Variants in ZBTB20 observed in about 807,000 individuals in gnomAD.
ZBTB20 encodes zinc finger and BTB domain containing 20, also known as zinc finger and BTB domain-containing protein 20.
In ZBTB20, 9 loss-of-function variants were observed where a neutral mutation model predicts 56.9. The observed-to-expected ratio is 0.16, with a 90% CI of 0.10 to 0.28. The LOEUF (loss-of-function observed/expected upper bound fraction) is 0.28, where lower values mean the gene tolerates loss of function less well. Ranked by LOEUF, ZBTB20 falls within the 10% of genes least tolerant of loss-of-function variation. ZBTB20 has a pLI of 1.00. For missense variants in ZBTB20, 655 were observed against 1,003.0 expected (o/e 0.65, Z 4.69); for synonymous variants, 417 against 420.7 (o/e 0.99, Z 0.11).
chr3:114,653,166 A>G (rs1408688925), intron 6 of ZBTB20, among the ~76,000 whole-genome samples: 1 of 151,966 alleles, frequency 6.6e-6, no homozygotes, highest in African/African-American at 2.4e-5. Flanking sequence ...GATCTTTAGA[A>G]CAACGCTGAA....
At chr3:114,711,476 C>T (rs1281258773) in intron 5 of ZBTB20, among the ~76,000 whole-genome samples, 1 of 152,206 alleles carries the variant, frequency 6.6e-6, no homozygotes, top group Non-Finnish European at 1.5e-5. Context: ...TCTATTCTTT[C>T]CATCTGACTG....
chr3:114,371,386 G>T (rs1319544388), intron 10 of ZBTB20, among the ~76,000 whole-genome samples: 2 of 152,124 alleles, frequency 1.3e-5, no homozygotes, highest in African/African-American at 4.8e-5. Context: ...GTAGTGACAG[G>T]CACAAAAGAT....
At chr3:115,029,329 A>C (rs1490506804) in intron 2 of ZBTB20, among the ~76,000 whole-genome samples, 2 of 20,610 alleles carry the variant, frequency 9.7e-5, no homozygotes, top group Admixed American at 1.7e-3. Context: ...CAGAAGTCCA[A>C]TAAAATTGAA....
intron 1 of ZBTB20, among the ~76,000 whole-genome samples, chr3:115,093,063 G>T (rs2083256917): frequency 6.6e-6 from 1 of 151,984 alleles, no homozygotes; most frequent in African/African-American, 2.4e-5. Flanking sequence ...TTACAGGAAG[G>T]AAACTGAGGG....
At chr3:115,141,571 T>C (rs1161634422) in intron 1 of ZBTB20, among the ~76,000 whole-genome samples, 2 of 152,218 alleles carry the variant, frequency 1.3e-5, no homozygotes, top group African/African-American at 2.4e-5. Context: ...GGACCTTGAA[T>C]AGTTTGTTCA....
At chr3:114,648,621 T>C (rs138961081) in intron 6 of ZBTB20, among the ~76,000 whole-genome samples, 3 of 152,156 alleles carry the variant, frequency 2.0e-5, no homozygotes, top group Non-Finnish European at 1.5e-5. Flanking sequence ...TGATAAATTG[T>C]ACATAAAAAT....
intron 7 of ZBTB20, among the ~76,000 whole-genome samples, chr3:114,465,298 T>C (rs1576909485): frequency 6.6e-6 from 1 of 152,278 alleles, no homozygotes; most frequent in East Asian, 1.9e-4. Flanking sequence ...TAATTTGAAA[T>C]CATTAGCTTG....
chr3:114,800,549 A>C (rs943452661), intron 5 of ZBTB20, among the ~76,000 whole-genome samples: 3 of 151,820 alleles, frequency 2.0e-5, no homozygotes, highest in Admixed American at 1.3e-4. Flanking sequence ...AGAATGGGGA[A>C]CACACGCACA....
rs2053424438 is a variant in ZBTB20, at chr3:114,571,425, T to A, written c.-294-71034A>T. ...AACGCAGATCATTAGGTCAAAGAAC[T>A]CAAAATAACATAATTTACTGTAACT... On this transcript the variant is annotated intron_variant, in intron 6 of 11. Coordinates refer to ENST00000675478, the MANE Select transcript of ZBTB20 (RefSeq NM_001348800.3). Among the ~76,000 whole-genome samples the A allele has an allele frequency of 3.3e-5, 5 of 152,294 alleles. No homozygotes were observed. In the South Asian group the frequency reaches 6.2e-4, roughly 19 times the overall value.
At chr3:114,801,043 G>A (rs2071669835) in intron 5 of ZBTB20, 58 bp downstream of exon 5, 1 of 151,532 alleles carries the variant, frequency 6.6e-6, no homozygotes, top group Non-Finnish European at 1.5e-5. Flanking sequence ...CAATGTTTTT[G>A]TCCTTTTTTG....
At chr3:114,740,515 C>T (rs928207204) in intron 5 of ZBTB20, among the ~76,000 whole-genome samples, 19 of 152,052 alleles carry the variant, frequency 1.2e-4, no homozygotes, top group Non-Finnish European at 2.5e-4. Context: ...ATAGATCTTT[C>T]AGAAATGAGA....
At chr3:114,535,777 C>A (rs917068015) in intron 6 of ZBTB20, among the ~76,000 whole-genome samples, 3 of 152,154 alleles carry the variant, frequency 2.0e-5, no homozygotes, top group African/African-American at 4.8e-5. Context: ...AGCAGCACAG[C>A]AAAAAGCTTA....
At chr3:114,814,382 T>G (rs939944756) in intron 4 of ZBTB20, among the ~76,000 whole-genome samples, 2 of 152,034 alleles carry the variant, frequency 1.3e-5, no homozygotes, top group African/African-American at 4.8e-5. Flanking sequence ...CTCTACTGTA[T>G]ATTTGTCTAT....
At chr3:114,533,186 A>C (rs2048066981) in intron 6 of ZBTB20, among the ~76,000 whole-genome samples, 1 of 151,928 alleles carries the variant, frequency 6.6e-6, no homozygotes, top group Non-Finnish European at 1.5e-5. Context: ...GTAATAACGA[A>C]CTCCTCTGAG....
At chr3:114,591,129 A>T (rs1560004679) in intron 6 of ZBTB20, among the ~76,000 whole-genome samples, 1 of 152,072 alleles carries the variant, frequency 6.6e-6, no homozygotes, top group Non-Finnish European at 1.5e-5. Context: ...TTCCTTGAGA[A>T]TTTTTTTCCA....
chr3:114,980,839 G>A (rs1220166421), intron 2 of ZBTB20, among the ~76,000 whole-genome samples: 1 of 151,978 alleles, frequency 6.6e-6, no homozygotes, highest in Admixed American at 6.6e-5. Flanking sequence ...CTTGATGCAA[G>A]TAACCATTGA....
chr3:114,828,686 A>T (rs1386139840), intron 4 of ZBTB20, among the ~76,000 whole-genome samples: 1 of 151,868 alleles, frequency 6.6e-6, no homozygotes, highest in Non-Finnish European at 1.5e-5. Context: ...GCCATTATGC[A>T]GGGTGATGTT....
intron 5 of ZBTB20, among the ~76,000 whole-genome samples, chr3:114,713,169 T>G (rs1309900311): frequency 6.6e-6 from 1 of 152,064 alleles, no homozygotes. Flanking sequence ...TTATATCGTA[T>G]GCTTATATTG....
chr3:115,033,132 A>C (rs1217975147), intron 2 of ZBTB20, among the ~76,000 whole-genome samples: 3 of 151,310 alleles, frequency 2.0e-5, no homozygotes, highest in African/African-American at 7.3e-5. Flanking sequence ...TATACTAAGA[A>C]AAAAAGAGAA....
Sources: allele counts gnomAD v4.1 joint callset (sites outside exome capture counted in the v4.1 genomes callset), GRCh38; gene constraint gnomAD v4.1.1; transcripts MANE v1.5; gene names NCBI Gene and HGNC (gene_info 2026-07-23, HGNC 2026-07-21).